Variants in LRRC4B observed in about 807,000 individuals in gnomAD.
LRRC4B encodes the protein leucine rich repeat containing 4B.
In LRRC4B, 1 loss-of-function variant was observed where a neutral mutation model predicts 7.3. The ratio of observed to expected loss-of-function variants is 0.14; its 90% confidence interval spans 0.05 to 0.65. LRRC4B has a LOEUF of 0.65. Ranked by LOEUF, LRRC4B falls within the 30% of genes least tolerant of loss-of-function variation. The pLI, the probability that LRRC4B is intolerant of heterozygous loss-of-function variation, is 0.84. For missense variants in LRRC4B, 730 were observed against 1,041.6 expected (o/e 0.70, Z 4.12); for synonymous variants, 500 against 499.2 (o/e 1.00, Z -0.02).
At chr19:50,541,570 C>T (rs1267607762) in intron 2 of LRRC4B, among the ~76,000 whole-genome samples, 1 of 152,040 alleles carries the variant, frequency 6.6e-6, no homozygotes, top group Non-Finnish European at 1.5e-5. Flanking sequence ...TCGGGCCATC[C>T]TTAAACACAA....
At position 50,517,671 on chromosome 19, in the gene LRRC4B, C is replaced by T; in HGVS notation, c.2042G>A (p.Gly681Glu). 1 of 1,531,202 alleles carries T rather than the reference C, an allele frequency of 6.5e-7. No homozygotes were observed. Among genetic ancestry groups the T allele is most frequent in the Non-Finnish European group, 8.8e-7 (1 of 1,142,570 alleles). The allele number at this position is 1,531,202 out of a possible 1,614,324, so 94.9% of individuals were successfully genotyped here. ...AGGCGGGCCTTTGCCCCCGCAGCCC[C>T]CGCCGCTGGGGTTGCTGCTGTAGTG... ...KAHYSSNPSG[G>E]GCGGKGPPGL... Residue 681 changes from glycine (G) to glutamate (E), a missense_variant, in exon 3 of 3, where the codon GGG (glycine) becomes GAG (glutamate). By Grantham distance (98) the Gly-to-Glu change is moderately conservative. Transcript: ENST00000652263. The surrounding 1 kb of genome is among the most constrained non-coding windows in gnomAD (Gnocchi z 6.6).
intron 2 of LRRC4B, among the ~76,000 whole-genome samples, chr19:50,543,042 A>G (rs909033298): frequency 1.3e-5 from 2 of 148,976 alleles, no homozygotes; most frequent in Admixed American, 6.7e-5. Context: ...AGGGCGTCGC[A>G]GGGATTCGCG....
Position 50,555,090 on chromosome 19 carries a change from G to A in LRRC4B, c.-35-6217C>T, listed in dbSNP as rs1328833482. 6.6e-6 allele frequency among the ~76,000 whole-genome samples: 1 copy of A among 152,156 alleles called. No homozygotes were observed. The highest frequency in any genetic ancestry group is 2.4e-5 in the African/African-American group (1 of 41,434). ...CCGGCTGGCAGAGGCTCCATGGACTGCCCTCTGCCCCCACGCACCCCTAGT... is the reference window on the plus strand; with the variant it reads ...CCGGCTGGCAGAGGCTCCATGGACTACCCTCTGCCCCCACGCACCCCTAGT... On this transcript the variant is annotated intron_variant, in intron 1 of 2. Coordinates refer to ENST00000652263, the MANE Select transcript of LRRC4B (RefSeq NM_001080457.2). The surrounding 1 kb of genome is among the most constrained non-coding windows in gnomAD (Gnocchi z 5.2).
At position 50,553,754 on chromosome 19, in the gene LRRC4B, A is replaced by C. The variant is rs1982179136; in HGVS notation, c.-35-4881T>G. Among the ~76,000 whole-genome samples the C allele has an allele frequency of 6.6e-6, 1 of 152,076 alleles. No homozygotes were observed. The highest frequency in any genetic ancestry group is 1.5e-5 in the Non-Finnish European group (1 of 68,018). On this transcript the variant is annotated intron_variant, in intron 1 of 2. Coordinates refer to ENST00000652263, the MANE Select transcript of LRRC4B (RefSeq NM_001080457.2). This position sits in a 1 kb window ranked among gnomAD's most constrained non-coding sequence, Gnocchi z 4.2. ...GACTATTTGGTTCCCAGGACCCACA[A>C]CAGTGCTGGGCACATGGCAGTTGCT...
chr19:50,535,144 A>T (rs57306064), intron 2 of LRRC4B, among the ~76,000 whole-genome samples: 1 of 151,868 alleles, frequency 6.6e-6, no homozygotes, highest in Non-Finnish European at 1.5e-5. Context: ...CTGGGATTAC[A>T]GGCGTGACCC....
intron 2 of LRRC4B, among the ~76,000 whole-genome samples, chr19:50,545,700 T>C (rs942202351): frequency 2.0e-5 from 3 of 150,608 alleles, no homozygotes; most frequent in Non-Finnish European, 4.4e-5. Context: ...ATTTTTTATT[T>C]GGATAACTAA....
chr19:50,557,991 T>C (rs1384020593), intron 1 of LRRC4B: 1 of 152,174 alleles, frequency 6.6e-6, no homozygotes, highest in Non-Finnish European at 1.5e-5. Context: ...TTTTCTTTTC[T>C]CTAGCTTACT....
chr19:50,548,809 G>A lies in LRRC4B; in HGVS notation c.30C>T (p.Pro10=), dbSNP rs1366248860. The change falls in exon 2 of 3, where the codon CCC becomes CCT. Residue 10 remains proline, a synonymous_variant. Coordinates refer to ENST00000652263, the MANE Select transcript of LRRC4B (RefSeq NM_001080457.2). The surrounding 1 kb of genome is among the most constrained non-coding windows in gnomAD (Gnocchi z 6.8). ...AGGACATCCTACCGGGCGGCAGCGGGGGGCACGGGGAGCCGCGGGCACGCG... is the reference window on the plus strand; with the variant it reads ...AGGACATCCTACCGGGCGGCAGCGGAGGGCACGGGGAGCCGCGGGCACGCG... MARARGSPC[P]PLPPGRMSWP... 3 of 1,507,036 alleles carry A rather than the reference G, an allele frequency of 2.0e-6. No individual in the cohort carries two copies. The African/African-American group carries it at 4.1e-5, about 21-fold the overall frequency. 93.4% of individuals were successfully genotyped at this position (1,507,036 alleles called of 1,614,324 possible).
intron 2 of LRRC4B, among the ~76,000 whole-genome samples, chr19:50,533,825 G>C (rs949841937): frequency 2.0e-4 from 30 of 152,326 alleles, no homozygotes; most frequent in African/African-American, 7.0e-4. Context: ...GTGGTTCATA[G>C]CTGAGAAAAT....
At chr19:50,520,203 CAAAAAAAAAAAAAAAAAAA>C (rs1173919963) in intron 2 of LRRC4B, among the ~76,000 whole-genome samples, 6 of 9,360 alleles carry the variant, frequency 6.4e-4, no homozygotes, top group Non-Finnish European at 1.1e-3. Flanking sequence ...AATACCCTGT[CAAAAAAAAAAAAAAAAAAA>C]AAAAAAAAAA....
chr19:50,541,020 A>G (rs1451678676), intron 2 of LRRC4B, among the ~76,000 whole-genome samples: 1 of 151,378 alleles, frequency 6.6e-6, no homozygotes, highest in Non-Finnish European at 1.5e-5. Flanking sequence ...TATCTCTACT[A>G]AAAATACAAA....
chr19:50,528,366 A>G (rs1441221310), intron 2 of LRRC4B, among the ~76,000 whole-genome samples: 1 of 150,768 alleles, frequency 6.6e-6, no homozygotes, highest in Non-Finnish European at 1.5e-5. Flanking sequence ...TTTTTTTTAG[A>G]TGGAATTTCA....
At chr19:50,560,003 C>T (rs1388062715) in intron 1 of LRRC4B, among the ~76,000 whole-genome samples, 1 of 152,182 alleles carries the variant, frequency 6.6e-6, no homozygotes, top group Non-Finnish European at 1.5e-5. Context: ...GGCGTGGAGG[C>T]ACCTGCCTGT....
In LRRC4B at chr19:50,553,991, C is replaced by CTTTT. The variant is rs3058937; in HGVS notation, c.-35-5122_-35-5119dup. ...GGAGGCCTGCTGGCAGAGGCAGCAC[C>CTTTT]TTTTTTTTTTTTTTTTTTTTGAGAC... On this transcript the variant is annotated intron_variant, in intron 1 of 2. Transcript: ENST00000652263. The surrounding 1 kb of genome is among the most constrained non-coding windows in gnomAD (Gnocchi z 4.2). Among the ~76,000 whole-genome samples the CTTTT allele has an allele frequency of 3.6e-4, 40 of 111,760 alleles. No homozygotes were observed. Among genetic ancestry groups the CTTTT allele is most frequent in the Non-Finnish European group, 4.4e-4 (25 of 56,790 alleles). 73.3% of individuals were successfully genotyped at this position (111,760 alleles called of 152,430 possible).
Position 50,553,300 on chromosome 19 carries a change from C to T in LRRC4B, c.-35-4427G>A, listed in dbSNP as rs1358036771. Among the ~76,000 whole-genome samples, 1 of 152,158 alleles carries T rather than the reference C, an allele frequency of 6.6e-6. No individual in the cohort carries two copies. Among genetic ancestry groups the T allele is most frequent in the Non-Finnish European group, 1.5e-5 (1 of 68,014 alleles). On this transcript the variant is annotated intron_variant, in intron 1 of 2. Coordinates refer to ENST00000652263, the MANE Select transcript of LRRC4B (RefSeq NM_001080457.2). This position sits in a 1 kb window ranked among gnomAD's most constrained non-coding sequence, Gnocchi z 4.2. Reference sequence around the variant, plus strand: ...TCAACACCCCATGGACCCTGCCCCGCCTCTGCTCCACAGCCTTCCACAGCT... The same window carrying T: ...TCAACACCCCATGGACCCTGCCCCGTCTCTGCTCCACAGCCTTCCACAGCT...
chr19:50,561,996 T>A (rs868126016), intron 1 of LRRC4B, among the ~76,000 whole-genome samples: 5 of 110,418 alleles, frequency 4.5e-5, no homozygotes, highest in Non-Finnish European at 9.1e-5. Flanking sequence ...TGCGTGCCTG[T>A]AGTCTCAGCT....
intron 2 of LRRC4B, among the ~76,000 whole-genome samples, chr19:50,534,151 G>C (rs1252897646): frequency 6.6e-6 from 1 of 152,146 alleles, no homozygotes; most frequent in Non-Finnish European, 1.5e-5. Flanking sequence ...TGTCTTCCTA[G>C]ATCCTGGCCT....
At position 50,519,692 on chromosome 19, in the gene LRRC4B, C is replaced by T. The variant is rs1281494165; in HGVS notation, c.298-277G>A. Among the ~76,000 whole-genome samples, 2 of 151,976 alleles carry T rather than the reference C, an allele frequency of 1.3e-5. No individual in the cohort carries two copies. The highest frequency in any genetic ancestry group is 2.9e-5 in the Non-Finnish European group (2 of 68,016). On this transcript the variant is annotated intron_variant, in intron 2 of 2. Coordinates refer to ENST00000652263, the MANE Select transcript of LRRC4B (RefSeq NM_001080457.2). This position sits in a 1 kb window ranked among gnomAD's most constrained non-coding sequence, Gnocchi z 8.1. Reference sequence around the variant, plus strand: ...AGGAGTTTGAGACCAGCCTGGACAACATGGTGAAACCCTGTCTCTACTAAA... The same window carrying T: ...AGGAGTTTGAGACCAGCCTGGACAATATGGTGAAACCCTGTCTCTACTAAA...
intron 2 of LRRC4B, among the ~76,000 whole-genome samples, chr19:50,528,942 C>A (rs958822567): frequency 1.3e-5 from 2 of 152,174 alleles, no homozygotes; most frequent in African/African-American, 4.8e-5. Context: ...GGAGATGCGA[C>A]TGTGCCTGGG....
Sources: allele counts gnomAD v4.1 joint callset (sites outside exome capture counted in the v4.1 genomes callset), GRCh38; gene constraint gnomAD v4.1.1; non-coding constraint Gnocchi (gnomAD v3.1); transcripts MANE v1.5; gene names NCBI Gene and HGNC (gene_info 2026-07-23, HGNC 2026-07-21).